The following SLC35F4 variants were observed in gnomAD, a reference collection of about 807,000 sequenced individuals.
SLC35F4 encodes the protein chromosome 14 open reading frame 36.
A neutral mutation model predicts 44.2 loss-of-function variants in SLC35F4; 24 were observed. The ratio of observed to expected loss-of-function variants is 0.54; its 90% CI spans 0.39 to 0.76. The LOEUF (loss-of-function observed/expected upper bound fraction) is 0.76. SLC35F4 is among the 30% of genes least tolerant of loss of function. The probability of loss-of-function intolerance (pLI) is 0.00; values close to 1 mark genes in which losing one functional copy is unlikely to be tolerated. For synonymous variants in SLC35F4, 238 were observed against 223.6 expected, an observed-to-expected ratio of 1.06 and a Z score of -0.57; for missense variants, 562 against 586.1, an observed-to-expected ratio of 0.96 and a Z score of 0.42.
intron 1 of SLC35F4, among the ~76,000 whole-genome samples, chr14:57,647,914 C>T (rs889583749): frequency 3.9e-5 from 6 of 152,110 alleles, no homozygotes; most frequent in Non-Finnish European, 7.4e-5. Context: ...CTGATCCTTC[C>T]TCTTATTAGT....
At chr14:57,702,824 A>G (rs7143970) in intron 1 of SLC35F4, among the ~76,000 whole-genome samples, 141,684 of 152,166 alleles carry the variant, frequency 0.93, 66,471 homozygotes, top group Non-Finnish European at 1. Flanking sequence ...GAGTATATTT[A>G]GGCATATAAG....
At chr14:57,935,219 G>A (rs1046884005) in intron 1 of SLC35F4, among the ~76,000 whole-genome samples, 4 of 152,182 alleles carry the variant, frequency 2.6e-5, no homozygotes, top group African/African-American at 2.4e-5. Context: ...TAAATTCCCT[G>A]AGGATGTCTC....
chr14:57,564,994 T>C (rs2068132494), intron 7 of SLC35F4, among the ~76,000 whole-genome samples: 1 of 152,240 alleles, frequency 6.6e-6, no homozygotes, highest in Admixed American at 6.5e-5. Context: ...TGGAGTCACA[T>C]TCTCTGTGTT....
Position 57,929,040 on chromosome 14 carries a change from C to T in SLC35F4, n.282+52873G>A, listed in dbSNP as rs79933209. ...AGACTGTTAAAAAAATGAACAGATTCAAATTTTCCAGGGAAAAAGTATTGA... is the reference window on the plus strand; with the variant it reads ...AGACTGTTAAAAAAATGAACAGATTTAAATTTTCCAGGGAAAAAGTATTGA... On this transcript the variant is annotated intron_variant and non_coding_transcript_variant, in intron 1 of 1. Transcript: ENST00000556568. Among the ~76,000 whole-genome samples the T allele has an allele frequency of 3.2e-4, 49 of 152,242 alleles. No individual in the cohort carries two copies. The East Asian group carries it at 9.3e-3, about 29-fold the overall frequency.
chr14:57,883,021 A>AGGAGT (rs1456782236), intron 1 of SLC35F4, among the ~76,000 whole-genome samples: 2 of 142,140 alleles, frequency 1.4e-5, no homozygotes, highest in Non-Finnish European at 3.1e-5. Flanking sequence ...GGAGGAGGAG[A>AGGAGT]GGAGGGGAGG....
At chr14:57,843,851 T>C (rs1473557008) in intron 1 of SLC35F4, among the ~76,000 whole-genome samples, 2 of 152,164 alleles carry the variant, frequency 1.3e-5, no homozygotes, top group Non-Finnish European at 2.9e-5. Context: ...CCTGGTATCT[T>C]CTCTTAAATT....
intron 1 of SLC35F4, among the ~76,000 whole-genome samples, chr14:57,798,753 T>C (rs1263692040): frequency 6.6e-6 from 1 of 152,234 alleles, no homozygotes; most frequent in Non-Finnish European, 1.5e-5. Flanking sequence ...TTGATTTTTA[T>C]GCTTCTCTAT....
intron 1 of SLC35F4, among the ~76,000 whole-genome samples, chr14:57,768,751 T>G (rs1048461343): frequency 1.3e-5 from 2 of 150,602 alleles, no homozygotes; most frequent in South Asian, 2.1e-4. Context: ...GGTTCTTGGT[T>G]TTTTTTTTTT....
At chr14:57,664,179 G>A (rs1323756104) in intron 1 of SLC35F4, among the ~76,000 whole-genome samples, 1 of 152,174 alleles carries the variant, frequency 6.6e-6, no homozygotes, top group Non-Finnish European at 1.5e-5. Context: ...AGAGACAGAT[G>A]TGCAGAGAAC....
chr14:57,630,519 G>A (rs1202349133), intron 1 of SLC35F4: 4 of 1,123,472 alleles, frequency 3.6e-6, no homozygotes, highest in South Asian at 1.2e-5. Context: ...AAAACTAGAG[G>A]CACCTCAAAA....
At chr14:57,685,409 T>C (rs1421859109) in intron 1 of SLC35F4, among the ~76,000 whole-genome samples, 1 of 152,182 alleles carries the variant, frequency 6.6e-6, no homozygotes, top group Non-Finnish European at 1.5e-5. Context: ...AATGAGGTAA[T>C]TAAGGAGGGC....
At chr14:57,747,180 G>T in intron 1 of SLC35F4, among the ~76,000 whole-genome samples, 1 of 152,194 alleles carries the variant, frequency 6.6e-6, no homozygotes, top group African/African-American at 2.4e-5. Flanking sequence ...AGAACAAAGG[G>T]CCTGGCTGTT....
chr14:57,586,792 A>C (rs1350249813), intron 3 of SLC35F4, among the ~76,000 whole-genome samples: 6 of 151,218 alleles, frequency 4.0e-5, no homozygotes, highest in Non-Finnish European at 8.8e-5. Flanking sequence ...CAAAAGCCAT[A>C]ATTGACAGAT....
intron 1 of SLC35F4, among the ~76,000 whole-genome samples, chr14:57,707,636 G>A (rs753941649): frequency 2.9e-4 from 44 of 152,100 alleles, no homozygotes; most frequent in African/African-American, 3.1e-4. Flanking sequence ...AATTGGTACC[G>A]AGCTAGTGGG....
At chr14:57,822,931 G>A (rs970654575) in intron 1 of SLC35F4, among the ~76,000 whole-genome samples, 3 of 152,082 alleles carry the variant, frequency 2.0e-5, no homozygotes, top group African/African-American at 7.2e-5. Flanking sequence ...TCCCCTAAGT[G>A]TTCCCAGGCA....
chr14:57,756,740 G>A (rs1005513472), intron 1 of SLC35F4, among the ~76,000 whole-genome samples: 8 of 151,874 alleles, frequency 5.3e-5, no homozygotes, highest in Non-Finnish European at 8.8e-5. Flanking sequence ...CTGCAGCCTT[G>A]ACCTCCCAGG....
intron 1 of SLC35F4, among the ~76,000 whole-genome samples, chr14:57,862,354 G>C (rs762356652): frequency 2.0e-5 from 3 of 152,162 alleles, no homozygotes; most frequent in Non-Finnish European, 2.9e-5. Flanking sequence ...TTTTCACCCT[G>C]TCCCAGTACA....
intron 1 of SLC35F4, among the ~76,000 whole-genome samples, chr14:57,633,312 A>G (rs2072873207): frequency 6.6e-6 from 1 of 152,106 alleles, no homozygotes; most frequent in Admixed American, 6.5e-5. Context: ...CTGTCAAATT[A>G]TCTTCCAAAG....
chr14:57,904,638 T>C (rs1001573918), intron 1 of SLC35F4, among the ~76,000 whole-genome samples: 15 of 152,228 alleles, frequency 9.9e-5, no homozygotes, highest in African/African-American at 3.6e-4. Flanking sequence ...GGATTTTCTG[T>C]GTCAGGATCT....
Sources: gnomAD v4.1 joint callset for allele counts (sites outside exome capture counted in the v4.1 genomes callset) on GRCh38, gnomAD v4.1.1 for gene constraint, MANE v1.5 for transcripts, NCBI Gene and HGNC (gene_info 2026-07-23, HGNC 2026-07-21) for gene names.